Variants in NR2C2 observed in about 807,000 individuals in gnomAD.
NR2C2 encodes Nuclear hormone receptor TR4.
Under a neutral mutation model 62.9 loss-of-function variants are expected in NR2C2, and 6 were observed. The ratio of observed to expected loss-of-function variants is 0.10; its 90% CI spans 0.05 to 0.19. The LOEUF is 0.19. Among genes scored for constraint, NR2C2 ranks in the 10% least tolerant of loss-of-function variants. NR2C2 has a pLI of 1.00. For missense variants in NR2C2, 479 were observed against 762.7 expected (o/e 0.63, Z 4.38); for synonymous variants, 272 against 273.8 (o/e 0.99, Z 0.07).
At chr3:14,991,709 A>G (rs1236376041) in intron 1 of NR2C2, among the ~76,000 whole-genome samples, 1 of 151,798 alleles carries the variant, frequency 6.6e-6, no homozygotes, top group Non-Finnish European at 1.5e-5. Context: ...ATTTAATTCA[A>G]TGAAATGAGC....
chr3:15,015,327 T>C (rs1440257147), intron 3 of NR2C2, among the ~76,000 whole-genome samples: 1 of 152,252 alleles, frequency 6.6e-6, no homozygotes, highest in African/African-American at 2.4e-5. Flanking sequence ...TCAGTTATAG[T>C]ATTCTCCCAG....
chr3:15,019,040 GAT>G (rs1451634030), intron 4 of NR2C2, among the ~76,000 whole-genome samples: 4 of 93,318 alleles, frequency 4.3e-5, no homozygotes, highest in African/African-American at 1.3e-4. Context: ...AAAAAAAAAA[GAT>G]TTTATTTTTA....
chr3:15,003,277 A>G (rs2041074643), intron 1 of NR2C2, among the ~76,000 whole-genome samples: 1 of 152,080 alleles, frequency 6.6e-6, no homozygotes, highest in Admixed American at 6.6e-5. Flanking sequence ...AAGAAAAAAT[A>G]TATCTGCCTG....
chr3:14,980,902 A>AC (rs2040347543), intron 1 of NR2C2, among the ~76,000 whole-genome samples: 1 of 152,224 alleles, frequency 6.6e-6, no homozygotes, highest in Non-Finnish European at 1.5e-5. Flanking sequence ...CATGTGTGAC[A>AC]CGGTTCCCTG....
intron 4 of NR2C2, among the ~76,000 whole-genome samples, chr3:15,018,173 A>G (rs2041563842): frequency 6.6e-6 from 1 of 152,136 alleles, no homozygotes; most frequent in African/African-American, 2.4e-5. Context: ...TAATTTTTGT[A>G]TTTTTAGTAG....
chr3:14,983,462 TACACACACACACACACACACACAC>T (rs34788861), intron 1 of NR2C2, among the ~76,000 whole-genome samples: 1 of 146,778 alleles, frequency 6.8e-6, no homozygotes, highest in Non-Finnish European at 1.5e-5. Context: ...ATACTCTTTA[TACACACACACACACACACACACAC>T]ACACACACAT....
chr3:15,035,145 T>A (rs187520942), intron 11 of NR2C2, among the ~76,000 whole-genome samples: 1 of 152,100 alleles, frequency 6.6e-6, no homozygotes, highest in Non-Finnish European at 1.5e-5. Context: ...TACAAGAAAT[T>A]AGCCAGGCCT....
At chr3:15,005,361 CAT>C (rs1235181926) in intron 2 of NR2C2, among the ~76,000 whole-genome samples, 1 of 140,826 alleles carries the variant, frequency 7.1e-6, no homozygotes, top group African/African-American at 2.7e-5. Context: ...TACACACACG[CAT>C]AATGCTTTTT....
chr3:14,977,736 G>A (rs111727589), intron 1 of NR2C2, among the ~76,000 whole-genome samples: 11 of 152,062 alleles, frequency 7.2e-5, no homozygotes, highest in African/African-American at 2.7e-4. Context: ...AGGCCGAGGC[G>A]GGCGGATTGC....
chr3:15,003,887 A>G lies in NR2C2; in HGVS notation c.-28A>G. On this transcript the variant is annotated 5_prime_UTR_variant, in exon 2 of 14. Transcript: ENST00000425241. Reference sequence around the variant, plus strand: ...CTTCTCACCCACAGGTAACACGTACACAGACCTCTCGGCCGGAATCTCCAG... The same window carrying G: ...CTTCTCACCCACAGGTAACACGTACGCAGACCTCTCGGCCGGAATCTCCAG... The G allele has an allele frequency of 6.2e-7, 1 of 1,612,212 alleles. No individual in the cohort carries two copies. The highest frequency in any genetic ancestry group is 8.5e-7 in the Non-Finnish European group (1 of 1,178,356).
chr3:14,995,588 T>C (rs1487551476), intron 1 of NR2C2, among the ~76,000 whole-genome samples: 1 of 152,178 alleles, frequency 6.6e-6, no homozygotes, highest in Admixed American at 6.5e-5. Context: ...TTAATGGACT[T>C]GGGCGTTTTT....
chr3:15,022,309 T>C (rs1039236930), intron 5 of NR2C2, among the ~76,000 whole-genome samples: 1 of 152,186 alleles, frequency 6.6e-6, no homozygotes, highest in Non-Finnish European at 1.5e-5. Flanking sequence ...AGTTGGAAAT[T>C]AGAAGGGTTC....
rs185940900 is a variant in NR2C2, at chr3:14,987,661, A to G, written c.-39-16215A>G. Reference sequence around the variant, plus strand: ...AATGCTTCTCATTATCTACAAACATATATACTTAATTTGTTTATCACATTA... The same window carrying G: ...AATGCTTCTCATTATCTACAAACATGTATACTTAATTTGTTTATCACATTA... On this transcript the variant is annotated intron_variant, in intron 1 of 13. Transcript: ENST00000425241. 2.0e-5 allele frequency among the ~76,000 whole-genome samples: 3 copies of G among 152,298 alleles called. No individual in the cohort carries two copies. In the East Asian group the frequency reaches 5.8e-4, roughly 29 times the overall value.
Position 15,048,714 on chromosome 3 carries a change from C to T in NR2C2, c.*5706C>T, listed in dbSNP as rs2042542257. The stretch of plus-strand genomic sequence containing the variant: ...AAGTGCTGGAATATTTTTCTACAGT[C>T]TCTCTGTTCTACGGATTATCTTGTA... On this transcript the variant is annotated 3_prime_UTR_variant, in exon 14 of 14. Coordinates refer to ENST00000425241, the MANE Select transcript of NR2C2 (RefSeq NM_001291694.2). 6.6e-6 allele frequency: 1 copy of T among 152,610 alleles called. No individual in the cohort carries two copies. The highest frequency in any genetic ancestry group is 1.5e-5 in the Non-Finnish European group (1 of 68,048). 9.5% of individuals were successfully genotyped at this position (152,610 alleles called of 1,614,324 possible).
intron 1 of NR2C2, among the ~76,000 whole-genome samples, chr3:14,995,061 G>C (rs1018868826): frequency 1.9e-4 from 26 of 136,626 alleles, no homozygotes; most frequent in Non-Finnish European, 3.8e-4. Flanking sequence ...GCTCACTGCA[G>C]CCTTGACCCT....
Position 15,031,518 on chromosome 3 carries a change from C to G in NR2C2, c.1111-861C>G, listed in dbSNP as rs2041980045. Among the ~76,000 whole-genome samples, 5 of 151,868 alleles carry G rather than the reference C, an allele frequency of 3.3e-5. No individual in the cohort carries two copies. In the South Asian group the frequency reaches 6.2e-4, roughly 19 times the overall value. The stretch of plus-strand genomic sequence containing the variant: ...AAGTAGCTAGGACTATAGGCATGCA[C>G]CACCATGCCCATCTAATTTTTATTT... On this transcript the variant is annotated intron_variant, in intron 9 of 13. Transcript: ENST00000425241.
intron 2 of NR2C2, among the ~76,000 whole-genome samples, chr3:15,011,325 C>T (rs755630317): frequency 6.6e-6 from 1 of 152,012 alleles, no homozygotes; most frequent in Non-Finnish European, 1.5e-5. Flanking sequence ...GGTGACAAAG[C>T]GAGACTCTTG....
chr3:14,949,167 A>T (rs926768699), intron 1 of NR2C2, among the ~76,000 whole-genome samples: 26 of 151,060 alleles, frequency 1.7e-4, no homozygotes, highest in African/African-American at 6.3e-4. Context: ...CCCTGCCCTC[A>T]CTAGAGTTGG....
At chr3:15,020,307 A>G (rs2041635334) in intron 4 of NR2C2, among the ~76,000 whole-genome samples, 1 of 152,172 alleles carries the variant, frequency 6.6e-6, no homozygotes, top group Admixed American at 6.5e-5. Flanking sequence ...CTCTGTGCCA[A>G]AGCCACACAT....
Sources: allele counts gnomAD v4.1 joint callset (sites outside exome capture counted in the v4.1 genomes callset), GRCh38; gene constraint gnomAD v4.1.1; transcripts MANE v1.5; gene names NCBI Gene and HGNC (gene_info 2026-07-23, HGNC 2026-07-21).